The following DKK2 variants were observed in gnomAD, a reference collection of about 807,000 sequenced individuals.
The protein encoded by DKK2 is dickkopf Wnt signaling pathway inhibitor 2, also known as dickkopf-related protein 2.
DKK2 carries 11 observed loss-of-function variants against 28.1 expected under a neutral mutation model. The observed-to-expected ratio is 0.39, with a 90% CI of 0.25 to 0.65. The LOEUF (loss-of-function observed/expected upper bound fraction) is 0.65. Ranked by LOEUF, DKK2 falls within the 30% of genes least tolerant of loss-of-function variation. The pLI is 0.47. For missense variants in DKK2, 326 were observed against 335.5 expected (o/e 0.97, Z 0.22); for synonymous variants, 135 against 126.5 (o/e 1.07, Z -0.45).
chr4:106,962,489 CTATGTGTGTGTGTGTGTGTGTGTGTGTG>C (rs1355115858), intron 1 of DKK2, among the ~76,000 whole-genome samples: 147 of 113,124 alleles, frequency 1.3e-3, no homozygotes, highest in Non-Finnish European at 1.9e-3. Flanking sequence ...GCCAGAAAAA[CTATGTGTGTGTGTGTGTGTGTGTGTGTG>C]TGTGTGTGTG....
At chr4:106,976,666 C>T (rs1460279971) in intron 1 of DKK2, among the ~76,000 whole-genome samples, 1 of 152,134 alleles carries the variant, frequency 6.6e-6, no homozygotes, top group East Asian at 1.9e-4. Context: ...GAATACAGCA[C>T]ACCAATGGGT....
At chr4:106,969,049 C>T (rs979994637) in intron 1 of DKK2, among the ~76,000 whole-genome samples, 1 of 151,704 alleles carries the variant, frequency 6.6e-6, no homozygotes, top group African/African-American at 2.4e-5. Flanking sequence ...AAAGTACATC[C>T]CAGTTCTTTC....
At chr4:107,033,829 G>C (rs1280200274) in intron 1 of DKK2, among the ~76,000 whole-genome samples, 2 of 152,100 alleles carry the variant, frequency 1.3e-5, no homozygotes, top group Non-Finnish European at 2.9e-5. Context: ...CTAAGAAACT[G>C]TTAGGACCAT....
At chr4:106,963,836 T>C (rs556592129) in intron 1 of DKK2, among the ~76,000 whole-genome samples, 1 of 152,320 alleles carries the variant, frequency 6.6e-6, no homozygotes, top group Admixed American at 6.5e-5. Flanking sequence ...AGCCACCTTA[T>C]TGTGCTACCA....
chr4:106,955,779 A>AT (rs202164323), intron 1 of DKK2, among the ~76,000 whole-genome samples: 3,800 of 152,264 alleles, frequency 0.025, 62 homozygotes, highest in Non-Finnish European at 0.036. Context: ...CAGAATACTG[A>AT]TAAAAAAAAG....
chr4:107,013,445 G>C (rs1723542739), intron 1 of DKK2, among the ~76,000 whole-genome samples: 1 of 151,374 alleles, frequency 6.6e-6, no homozygotes, highest in African/African-American at 2.4e-5. Flanking sequence ...TTAGGGAAAG[G>C]ACAGTCTCTT....
chr4:106,947,928 G>A (rs1166657588), intron 1 of DKK2, among the ~76,000 whole-genome samples: 1 of 152,024 alleles, frequency 6.6e-6, no homozygotes, highest in East Asian at 1.9e-4. Context: ...TAGGATTACA[G>A]GCCTGAGCCA....
chr4:106,991,816 T>A (rs1179661881), intron 1 of DKK2, among the ~76,000 whole-genome samples: 1 of 152,160 alleles, frequency 6.6e-6, no homozygotes, highest in Non-Finnish European at 1.5e-5. Context: ...GAGGTTCAAG[T>A]ACAAGCTTTT....
intron 1 of DKK2, among the ~76,000 whole-genome samples, chr4:107,023,605 CAAAG>C (rs1723727665): frequency 6.6e-6 from 1 of 152,020 alleles, no homozygotes; most frequent in Admixed American, 6.6e-5. Context: ...ATGCACAACA[CAAAG>C]AGTGAGCCCT....
At chr4:106,944,994 TA>T (rs1163864161) in intron 1 of DKK2, among the ~76,000 whole-genome samples, 1 of 152,056 alleles carries the variant, frequency 6.6e-6, no homozygotes, top group Non-Finnish European at 1.5e-5. Flanking sequence ...TGATGTTTAT[TA>T]TAAAACCTAG....
intron 1 of DKK2, among the ~76,000 whole-genome samples, chr4:106,938,054 A>G (rs1724627676): frequency 7.0e-6 from 1 of 143,052 alleles, no homozygotes; most frequent in Admixed American, 7.1e-5. Flanking sequence ...TCACAATTAA[A>G]AGAACTAGAA....
chr4:107,003,060 G>T (rs539396760), intron 1 of DKK2, among the ~76,000 whole-genome samples: 92 of 152,168 alleles, frequency 6.0e-4, no homozygotes, highest in Non-Finnish European at 1.0e-4. Context: ...CAAGTCTACT[G>T]GAACCTTGTT....
chr4:107,031,005 C>T (rs547634625), intron 1 of DKK2, among the ~76,000 whole-genome samples: 5 of 151,936 alleles, frequency 3.3e-5, no homozygotes, highest in East Asian at 3.9e-4. Context: ...TGTCCTCTTG[C>T]GCTCTCTAGT....
intron 1 of DKK2, among the ~76,000 whole-genome samples, chr4:106,973,493 A>T (rs1722899492): frequency 6.6e-6 from 1 of 152,176 alleles, no homozygotes; most frequent in Admixed American, 6.5e-5. Flanking sequence ...ACCAGTGATG[A>T]TGAGCTTTTT....
chr4:106,922,129 A>G lies in DKK2; in HGVS notation c.*1825T>C, dbSNP rs1274946640. On this transcript the variant is annotated 3_prime_UTR_variant, in exon 4 of 4. Coordinates refer to ENST00000285311, the MANE Select transcript of DKK2 (RefSeq NM_014421.3). ...ACAAACTTTGGTTCTTGGATGGACTAGTTTATAATTTTTGTTTTTGCAGAC... is the reference window on the plus strand; with the variant it reads ...ACAAACTTTGGTTCTTGGATGGACTGGTTTATAATTTTTGTTTTTGCAGAC... 6.6e-6 allele frequency: 1 copy of G among 152,574 alleles called. No homozygotes were observed. Among genetic ancestry groups the G allele is most frequent in the Non-Finnish European group, 1.5e-5 (1 of 68,022 alleles). 9.5% of individuals were successfully genotyped at this position (152,574 alleles called of 1,614,324 possible). A position where few individuals can be genotyped will look rare whatever the true frequency, so the allele number is the denominator to read the frequency against.
chr4:106,968,051 G>T (rs369588785), intron 1 of DKK2, among the ~76,000 whole-genome samples: 1 of 147,778 alleles, frequency 6.8e-6, no homozygotes, highest in Non-Finnish European at 1.5e-5. Flanking sequence ...GGGAGAAAAC[G>T]GAGGAATGAA....
chr4:107,007,911 G>T (rs1180074199), intron 1 of DKK2, among the ~76,000 whole-genome samples: 1 of 152,114 alleles, frequency 6.6e-6, no homozygotes, highest in East Asian at 1.9e-4. Context: ...GATTGTTATT[G>T]TACAGGCTTG....
chr4:107,010,628 C>A (rs1390867312), intron 1 of DKK2, among the ~76,000 whole-genome samples: 1 of 151,372 alleles, frequency 6.6e-6, no homozygotes, highest in Non-Finnish European at 1.5e-5. Flanking sequence ...GATCGAGTTG[C>A]CTTCCTTTTA....
chr4:107,032,473 G>A (rs536126200), intron 1 of DKK2, among the ~76,000 whole-genome samples: 17 of 152,114 alleles, frequency 1.1e-4, no homozygotes, highest in African/African-American at 3.9e-4. Context: ...AAACTATAGA[G>A]CTCATATAGT....
Sources: allele counts gnomAD v4.1 joint callset (sites outside exome capture counted in the v4.1 genomes callset), GRCh38; gene constraint gnomAD v4.1.1; transcripts MANE v1.5; gene names NCBI Gene and HGNC (gene_info 2026-07-23, HGNC 2026-07-21).